Variants in NMUR2 observed in about 807,000 individuals in gnomAD.
The protein encoded by NMUR2 is neuromedin U receptor 2.
In NMUR2, 24 loss-of-function variants were observed where a neutral mutation model predicts 25.1. That is an observed-to-expected ratio of 0.96 (90% CI 0.69 to 1.34). The LOEUF (loss-of-function observed/expected upper bound fraction) is 1.34, where lower values mean the gene tolerates loss of function less well. Ranked by LOEUF, NMUR2 falls within the 40% of genes most tolerant of loss-of-function variation. The pLI is 0.00. For missense variants in NMUR2, 533 were observed against 512.8 expected (o/e 1.04, Z -0.38); for synonymous variants, 218 against 208.1 (o/e 1.05, Z -0.41).
rs1170144809 is a variant in NMUR2 at position 152,391,914 on chromosome 5, G to T, written c.*277C>A. 3 of 335,008 alleles carry T rather than the reference G, an allele frequency of 9.0e-6. No individual in the cohort carries two copies. The Admixed American group carries it at 1.4e-4, about 15-fold the overall frequency. The allele number at this position is 335,008 out of a possible 1,614,324, so 20.8% of individuals were successfully genotyped here. ...ATTAATGGAAATTAATCAAGGTATAGGTGCCATGCCTTTCCAGTCACGTTC... is the reference window on the plus strand; with the variant it reads ...ATTAATGGAAATTAATCAAGGTATATGTGCCATGCCTTTCCAGTCACGTTC... On this transcript the variant is annotated 3_prime_UTR_variant, in exon 4 of 4. Transcript: ENST00000255262.
At chr5:152,394,845 T>A (rs1753122544) in intron 3 of NMUR2, among the ~76,000 whole-genome samples, 1 of 2,222 alleles carries the variant, frequency 4.5e-4, no homozygotes, top group African/African-American at 1.6e-3. Flanking sequence ...TACAGGAGGC[T>A]TTTTTTTTTT....
At chr5:152,404,108 T>G (rs1399083251) in intron 1 of NMUR2, among the ~76,000 whole-genome samples, 2 of 152,116 alleles carry the variant, frequency 1.3e-5, no homozygotes, top group Non-Finnish European at 2.9e-5. Context: ...CCAAAGTAAG[T>G]TTTCTGCATG....
intron 2 of NMUR2, among the ~76,000 whole-genome samples, chr5:152,397,482 C>A (rs530985785): frequency 2.2e-4 from 33 of 152,156 alleles, no homozygotes; most frequent in African/African-American, 7.7e-4. Context: ...GAGATGCTTG[C>A]CAGATGTTCT....
At chr5:152,397,012 G>GTTCTTTTT (rs1753163705) in intron 2 of NMUR2, among the ~76,000 whole-genome samples, 1 of 105,706 alleles carries the variant, frequency 9.5e-6, no homozygotes, top group Non-Finnish European at 2.0e-5. Context: ...TGAGCTTCAT[G>GTTCTTTTT]TTTTTTTTTT....
chr5:152,402,994 A>C (rs184165198), intron 1 of NMUR2, among the ~76,000 whole-genome samples: 1 of 152,348 alleles, frequency 6.6e-6, no homozygotes, highest in East Asian at 1.9e-4. Flanking sequence ...CGCTTCTGAC[A>C]ATCGGCTTCT....
In NMUR2 at chr5:152,392,028, C is replaced by G. The variant is rs1753068409; in HGVS notation, c.*163G>C. 1 of 612,616 alleles carries G rather than the reference C, an allele frequency of 1.6e-6. No individual in the cohort carries two copies. The highest frequency in any genetic ancestry group is 2.8e-6 in the Non-Finnish European group (1 of 358,030). 37.9% of individuals were successfully genotyped at this position (612,616 alleles called of 1,614,324 possible). A position where few individuals can be genotyped will look rare whatever the true frequency, so the allele number is the denominator to read the frequency against. On this transcript the variant is annotated 3_prime_UTR_variant, in exon 4 of 4. Coordinates refer to ENST00000255262, the MANE Select transcript of NMUR2 (RefSeq NM_020167.5). ...GCAGTCTTGGGTTTTGAAACCAGAT[C>G]TAACTCTCAGTTTTCACGTTTATTA...
Position 152,392,501 on chromosome 5 carries a change from C to A in NMUR2, c.938G>T (p.Gly313Val). The A allele has an allele frequency of 6.2e-7, 1 of 1,607,292 alleles. No homozygotes were observed. Residue 313 changes from glycine to valine, a missense_variant and splice_region_variant, in exon 4 of 4, where the codon GGT (glycine) becomes GTT (valine). Gly to Val is a moderately radical substitution (Grantham distance 109). Transcript: ENST00000255262. The stretch of plus-strand genomic sequence containing the variant: ...AGCTGAGCTCAGGTAGAAGAAGACA[C>A]CTGGAATGCAGGGGATTTAAAAAGA... ...AVFNLVHVVS[G>V]VFFYLSSAVN... is the part of the protein sequence containing the mutation.
Position 152,404,648 on chromosome 5 carries a change from G to C in NMUR2, c.466C>G (p.Leu156Val). Residue 156 changes from leucine (L) to valine (V), a missense_variant, in exon 1 of 4, where the codon CTG (leucine) becomes GTG (valine). By Grantham distance (32) the Leu-to-Val change is conservative. Transcript: ENST00000255262. ...AGGGCCCGGCGCCGGGTGCTCTGCA[G>C]TTTGGCGCGGAACGGGTGTAGGATG... is the stretch of plus-strand genomic sequence containing the variant. ...VAILHPFRAK[L>V]QSTRRRALRI... 6.2e-7 allele frequency: 1 copy of C among 1,614,150 alleles called. No homozygotes were observed. Among genetic ancestry groups the C allele is most frequent in the Admixed American group, 1.7e-5 (1 of 60,026 alleles).
chr5:152,400,005 A>C (rs1753226616), intron 1 of NMUR2, among the ~76,000 whole-genome samples: 2 of 152,318 alleles, frequency 1.3e-5, no homozygotes, highest in South Asian at 4.1e-4. Flanking sequence ...ATTTTGAAGG[A>C]ATATTCCAGA....
At chr5:152,397,012 G>GTTTTTTTTTTTTTTTTTTTTTT (rs769998163) in intron 2 of NMUR2, among the ~76,000 whole-genome samples, 11 of 105,706 alleles carry the variant, frequency 1.0e-4, no homozygotes, top group Non-Finnish European at 1.2e-4. Flanking sequence ...TGAGCTTCAT[G>GTTTTTTTTTTTTTTTTTTTTTT]TTTTTTTTTT....
At chr5:152,403,677 TCA>T (rs1250808630) in intron 1 of NMUR2, among the ~76,000 whole-genome samples, 1 of 148,462 alleles carries the variant, frequency 6.7e-6, no homozygotes, top group Non-Finnish European at 1.5e-5. Context: ...TCAAGTTATC[TCA>T]GTCATGTCAT....
intron 2 of NMUR2, among the ~76,000 whole-genome samples, chr5:152,396,467 C>T (rs2113096466): frequency 6.6e-6 from 1 of 152,278 alleles, no homozygotes; most frequent in Middle Eastern, 3.4e-3. Context: ...CATGCATTTC[C>T]TGTTGGCATT....
intron 2 of NMUR2, among the ~76,000 whole-genome samples, chr5:152,397,657 A>G (rs1753183192): frequency 6.6e-6 from 1 of 151,710 alleles, no homozygotes; most frequent in Admixed American, 6.6e-5. Flanking sequence ...AGAAATCCAT[A>G]ATACAAATAG....
intron 3 of NMUR2, among the ~76,000 whole-genome samples, chr5:152,393,415 A>G (rs17545297): frequency 0.14 from 22,025 of 152,222 alleles, 2,083 homozygotes; most frequent in Admixed American, 0.24. Flanking sequence ...TGTGGTTCAG[A>G]ACATTCAGAA....
At position 152,404,880 on chromosome 5, in the gene NMUR2, C is replaced by A. The variant is rs1229497090; in HGVS notation, c.234G>T (p.Thr78=). 2 of 1,614,066 alleles carry A rather than the reference C, an allele frequency of 1.2e-6. No individual in the cohort carries two copies. The highest frequency in any genetic ancestry group is 1.7e-5 in the Admixed American group (1 of 60,012). ...LVILQHQAMK[T]PTNYYLFSLA... ...GGCTGAAGAGGTAGTAGTTGGTGGG[C>A]GTCTTCATAGCCTGGTGCTGCAGAA... Residue 78 remains threonine (T), a synonymous_variant, in exon 1 of 4, where the codon ACG becomes ACT. Coordinates refer to ENST00000255262, the MANE Select transcript of NMUR2 (RefSeq NM_020167.5).
intron 1 of NMUR2, among the ~76,000 whole-genome samples, chr5:152,403,782 A>G (rs1428679558): frequency 6.7e-6 from 1 of 150,322 alleles, no homozygotes; most frequent in Non-Finnish European, 1.5e-5. Context: ...ATATAGTTTT[A>G]TTTTGTTTTG....
chr5:152,398,706 T>C (rs1275249534), intron 1 of NMUR2, among the ~76,000 whole-genome samples: 1 of 152,100 alleles, frequency 6.6e-6, no homozygotes, highest in African/African-American at 2.4e-5. Context: ...TCACATCACC[T>C]ACTCATATCT....
intron 3 of NMUR2, among the ~76,000 whole-genome samples, chr5:152,392,784 A>G (rs145363170): frequency 6.6e-6 from 1 of 152,334 alleles, no homozygotes; most frequent in East Asian, 1.9e-4. Flanking sequence ...CTACTTGTTT[A>G]ATTAAAGAAC....
chr5:152,399,854 G>A (rs911779976), intron 1 of NMUR2, among the ~76,000 whole-genome samples: 1 of 152,118 alleles, frequency 6.6e-6, no homozygotes, highest in African/African-American at 2.4e-5. Flanking sequence ...ATTTTATACA[G>A]TCATGGCAGT....
Sources: allele counts gnomAD v4.1 joint callset (sites outside exome capture counted in the v4.1 genomes callset), GRCh38; gene constraint gnomAD v4.1.1; transcripts MANE v1.5; gene names NCBI Gene and HGNC (gene_info 2026-07-23, HGNC 2026-07-21).